The following RUFY4 variants were observed in gnomAD, a reference collection of about 807,000 sequenced individuals.
RUFY4 encodes RUN and FYVE domain-containing protein 4.
In RUFY4, 73 loss-of-function variants were observed where a neutral mutation model predicts 69.0. That is an observed-to-expected ratio of 1.06 (90% CI 0.88 to 1.29). The LOEUF (loss-of-function observed/expected upper bound fraction) is 1.29, where lower values mean the gene tolerates loss of function less well. Ranked by LOEUF, RUFY4 falls within the 50% of genes most tolerant of loss-of-function variation. The pLI, the probability that RUFY4 is intolerant of heterozygous loss-of-function variation, is 0.00. For missense variants in RUFY4, 770 were observed against 705.6 expected, an observed-to-expected ratio of 1.09 and a Z score of -1.03; for synonymous variants, 287 against 271.8, an observed-to-expected ratio of 1.06 and a Z score of -0.55.
rs201137688 is a variant in RUFY4, at chr2:218,089,268, T to G, written c.1519T>G (p.Trp507Gly). Residue 507 changes from tryptophan (W) to glycine (G), a missense_variant, in exon 10 of 11, where the codon TGG becomes GGG. Trp to Gly is a radical substitution (Grantham distance 184, BLOSUM62 -2). Transcript: ENST00000344321. Reference sequence around the variant, plus strand: ...CCCCATCAGAGAGAAGGACCGCCTGTGGCAGAGGCTCCAGCATCTCTCTTC... The same window carrying G: ...CCCCATCAGAGAGAAGGACCGCCTGGGGCAGAGGCTCCAGCATCTCTCTTC... 2.2e-3 allele frequency: 3,558 copies of G among 1,613,746 alleles called. 3 individuals are homozygous for G. The highest frequency in any genetic ancestry group is 2.8e-3 in the Non-Finnish European group (3,271 of 1,179,752).
chr2:218,084,064 A>G (rs1041177332), intron 9 of RUFY4, among the ~76,000 whole-genome samples: 4 of 152,112 alleles, frequency 2.6e-5, no homozygotes, highest in Non-Finnish European at 5.9e-5. Context: ...GCTCCAAACC[A>G]CTAAGCTCAC....
intron 6 of RUFY4, 120 bp downstream of exon 8, chr2:218,074,005 G>C: frequency 1.0e-6 from 1 of 983,150 alleles, no homozygotes; most frequent in Non-Finnish European, 1.6e-6. Flanking sequence ...CTACAGGACA[G>C]ACAGAGCAAG....
chr2:218,066,804 T>C (rs530931421), upstream of RUFY4, among the ~76,000 whole-genome samples: 2 of 152,352 alleles, frequency 1.3e-5, no homozygotes, highest in African/African-American at 2.4e-5. Context: ...CAATCCAGGA[T>C]CTCACATTAC....
chr2:218,072,731 C>A lies in RUFY4; in HGVS notation c.280-48C>A, dbSNP rs1271897357. 4 of 1,411,800 alleles carry A rather than the reference C, an allele frequency of 2.8e-6. No individual in the cohort carries two copies. The South Asian group carries it at 5.7e-5, about 20-fold the overall frequency. The allele number at this position is 1,411,800 out of a possible 1,614,324, so 87.5% of individuals were successfully genotyped here. On this transcript the variant is annotated intron_variant, in intron 3 of 10. Transcript: ENST00000344321. ...CCCCTCTCTCTGTGTTACCTGGGCG[C>A]CCTTTGTCCTAATACTGCTCCCCAT...
Position 218,072,509 on chromosome 2 carries a change from G to T in RUFY4, c.279+10G>T. 6.5e-7 allele frequency: 1 copy of T among 1,536,378 alleles called. No homozygotes were observed. The highest frequency in any genetic ancestry group is 8.7e-7 in the Non-Finnish European group (1 of 1,146,824). ...CCGTTCCCAGGACAAGGTATCCAGG[G>T]CCAGGCAGCAAGAAGGCTGACGGGG... On this transcript the variant is annotated intron_variant, in intron 3 of 10. Transcript: ENST00000344321.
intron 3 of RUFY4, among the ~76,000 whole-genome samples, chr2:218,062,472 G>A (rs1055284538): frequency 6.6e-6 from 1 of 151,678 alleles, no homozygotes; most frequent in African/African-American, 2.4e-5. Context: ...CAGCACTCTG[G>A]GAGACAGAGG....
rs1305097662 is a variant in RUFY4 at position 218,072,274 on chromosome 2, A to C, written c.154-100A>C. ...TCTGGATGCCGGGTGTGTCTGCAGG[A>C]GCCCTCTCCTCCAGTACATGTCCCC... On this transcript the variant is annotated intron_variant, in intron 2 of 10. Transcript: ENST00000344321. The C allele has an allele frequency of 3.5e-6, 5 of 1,409,746 alleles. No individual in the cohort carries two copies. The African/African-American group carries it at 4.3e-5, about 12-fold the overall frequency. 87.3% of individuals were successfully genotyped at this position (1,409,746 alleles called of 1,614,324 possible).
chr2:218,053,346 CTTTTTT>C (rs35134006), intron 2 of RUFY4, among the ~76,000 whole-genome samples: 2 of 135,152 alleles, frequency 1.5e-5, no homozygotes, highest in Admixed American at 7.5e-5. Context: ...GATATTAAAC[CTTTTTT>C]TTTTTTTTTT....
At chr2:218,068,205 G>A (rs145645905), upstream of RUFY4, among the ~76,000 whole-genome samples, 532 of 94,840 alleles carry the variant, frequency 5.6e-3, no homozygotes, top group Middle Eastern at 0.014. Context: ...GAGGGCAGGG[G>A]GCTGGAGGAT....
At chr2:218,053,950 A>G (rs1689004444) in intron 2 of RUFY4, among the ~76,000 whole-genome samples, 1 of 152,244 alleles carries the variant, frequency 6.6e-6, no homozygotes, top group South Asian at 2.1e-4. Flanking sequence ...TGGCCTAAAC[A>G]TCTTTTAAGT....
chr2:218,064,861 A>T (rs1386363890), upstream of RUFY4, among the ~76,000 whole-genome samples: 4 of 133,006 alleles, frequency 3.0e-5, no homozygotes, highest in East Asian at 6.5e-4. Context: ...CCCAGCACCC[A>T]TCCTATCCCC....
intron 2 of RUFY4, among the ~76,000 whole-genome samples, chr2:218,042,361 A>G (rs1369965349): frequency 6.6e-6 from 1 of 152,232 alleles, no homozygotes; most frequent in African/African-American, 2.4e-5. Flanking sequence ...ATTTCTTACC[A>G]ATATGAGCCT....
rs766239038 is a variant in RUFY4, at chr2:218,073,382, TCA to T, written c.527_528del (p.Ser176Ter). On this transcript the variant is annotated frameshift_variant and splice_region_variant, in exon 5 of 11. Coordinates refer to ENST00000344321, the Ensembl canonical transcript of RUFY4. LOFTEE classifies it high-confidence loss of function. ...CCTGGATGGAGCCTGGCCCATGTTC[TCA>T]GAGTGAGTGGGTGCAGCCAGGAGAG... 1.3e-6 allele frequency: 2 copies of T among 1,592,040 alleles called. No individual in the cohort carries two copies. The highest frequency in any genetic ancestry group is 4.6e-5 in the East Asian group (2 of 43,876).
intron 3 of RUFY4, chr2:218,060,887 T>C: frequency 8.5e-7 from 1 of 1,178,402 alleles, no homozygotes; most frequent in Non-Finnish European, 1.3e-6. Context: ...GCAAGATGCG[T>C]AGGGACAGTA....
At chr2:218,073,001 G>C (rs925741060) in intron 4 of RUFY4, 116 bp downstream of exon 6, 22 of 984,538 alleles carry the variant, frequency 2.2e-5, no homozygotes, top group Non-Finnish European at 2.9e-5. Context: ...GTTACAATGA[G>C]AGTCATGAAG....
intron 5 of RUFY4, 60 bp downstream of exon 7, chr2:218,073,446 G>T: frequency 6.4e-7 from 1 of 1,553,330 alleles, no homozygotes; most frequent in Non-Finnish European, 8.7e-7. Flanking sequence ...GGCCACCAAG[G>T]GTCCCAGGCA....
chr2:218,076,672 G>A, intron 8 of RUFY4, 139 bp downstream of exon 10: 10 of 1,377,178 alleles, frequency 7.3e-6, no homozygotes, highest in Non-Finnish European at 9.6e-6. Context: ...GGGATCTGAG[G>A]CCTGCAGGGC....
chr2:218,041,141 C>T (rs769413504), intron 2 of RUFY4, among the ~76,000 whole-genome samples: 2 of 152,106 alleles, frequency 1.3e-5, no homozygotes, highest in African/African-American at 2.4e-5. Flanking sequence ...CAATGTCTCC[C>T]TCAATACATT....
intron 9 of RUFY4, among the ~76,000 whole-genome samples, chr2:218,087,329 TAATTA>T (rs1331206059): frequency 6.6e-6 from 1 of 152,250 alleles, no homozygotes; most frequent in Non-Finnish European, 1.5e-5. Context: ...ATTAATATTT[TAATTA>T]AATTAAATGT....
Sources: gnomAD v4.1 joint callset for allele counts (sites outside exome capture counted in the v4.1 genomes callset) on GRCh38, gnomAD v4.1.1 for gene constraint, MANE v1.5 for transcripts, NCBI Gene and HGNC (gene_info 2026-07-23, HGNC 2026-07-21) for gene names.